ERGIC1: variants seen among roughly 807,000 people sequenced by gnomAD.
ERGIC1 encodes endoplasmic reticulum-golgi intermediate compartment 1, also known as endoplasmic reticulum-Golgi intermediate compartment protein 1.
ERGIC1 carries 19 observed loss-of-function variants against 38.3 expected under a neutral mutation model. That is an observed-to-expected ratio of 0.50 (90% CI 0.35 to 0.73). The LOEUF (loss-of-function observed/expected upper bound fraction) is 0.73, where lower values mean the gene tolerates loss of function less well. Ranked by LOEUF, ERGIC1 falls within the 30% of genes least tolerant of loss-of-function variation. ERGIC1 has a pLI of 0.01. For missense variants in ERGIC1, 294 were observed against 389.2 expected (o/e 0.76, Z 2.06); for synonymous variants, 124 against 157.6 (o/e 0.79, Z 1.60).
chr5:172,869,362 A>G (rs1473789242), intron 1 of ERGIC1, among the ~76,000 whole-genome samples: 1 of 152,228 alleles, frequency 6.6e-6, no homozygotes, highest in Non-Finnish European at 1.5e-5. Context: ...CTCAGGAGCC[A>G]AGTAAAACTG....
chr5:172,875,993 C>G (rs1762133040), intron 1 of ERGIC1, among the ~76,000 whole-genome samples: 1 of 152,202 alleles, frequency 6.6e-6, no homozygotes, highest in Non-Finnish European at 1.5e-5. Context: ...AGATCTGGAG[C>G]CTTGATTAGG....
chr5:172,842,594 C>T (rs539569882), intron 1 of ERGIC1, among the ~76,000 whole-genome samples: 9 of 152,300 alleles, frequency 5.9e-5, no homozygotes, highest in African/African-American at 2.2e-4. Flanking sequence ...AAATCTTCCT[C>T]CTGTTTTCCA....
At chr5:172,870,175 C>G (rs966187958) in intron 1 of ERGIC1, among the ~76,000 whole-genome samples, 1 of 152,254 alleles carries the variant, frequency 6.6e-6, no homozygotes, top group Non-Finnish European at 1.5e-5. Context: ...AAATCTGACC[C>G]ACAGAAGTGT....
intron 1 of ERGIC1, among the ~76,000 whole-genome samples, chr5:172,886,393 C>T: frequency 6.6e-6 from 1 of 152,114 alleles, no homozygotes; most frequent in East Asian, 1.9e-4. Context: ...TAGGAAGCTT[C>T]ACCGAGGACC....
At chr5:172,911,644 ACT>A (rs925836432) in intron 4 of ERGIC1, among the ~76,000 whole-genome samples, 1 of 151,944 alleles carries the variant, frequency 6.6e-6, no homozygotes, top group Admixed American at 6.6e-5. Flanking sequence ...ATCACCCATA[ACT>A]CTGCCACCCG....
At chr5:172,934,829 T>G in intron 8 of ERGIC1, 3 of 307,282 alleles carry the variant, frequency 9.8e-6, no homozygotes, top group East Asian at 7.4e-5. Flanking sequence ...CAGCAAACCA[T>G]TGTTGAATAA....
intron 4 of ERGIC1, among the ~76,000 whole-genome samples, chr5:172,914,234 C>CA (rs35584191): frequency 0.049 from 4,966 of 101,774 alleles, 290 homozygotes; most frequent in East Asian, 0.22. Context: ...GACTCTGTCT[C>CA]AAAAAAAAAA....
chr5:172,903,392 G>T (rs966277105), intron 3 of ERGIC1, among the ~76,000 whole-genome samples: 1 of 152,090 alleles, frequency 6.6e-6, no homozygotes, highest in African/African-American at 2.4e-5. Flanking sequence ...TCCACTGAGG[G>T]CCACCGGCCC....
chr5:172,907,204 A>G (rs940802369), intron 3 of ERGIC1, among the ~76,000 whole-genome samples: 1 of 152,166 alleles, frequency 6.6e-6, no homozygotes, highest in African/African-American at 2.4e-5. Flanking sequence ...TCTTCCTTGC[A>G]GCAGCCAGAG....
Position 172,909,861 on chromosome 5 carries a change from A to T in ERGIC1, c.250+100A>T, listed in dbSNP as rs190528719. ...GATCTCCAGGACAAGCCAAGCCAAC[A>T]TATGGTTCTCCCCACTCTTTTTTGG... On this transcript the variant is annotated intron_variant, in intron 4 of 9. Transcript: ENST00000393784. The T allele has an allele frequency of 6.7e-6, 7 of 1,039,044 alleles. No individual in the cohort carries two copies. The East Asian group carries it at 1.7e-4, about 25-fold the overall frequency. The allele number at this position is 1,039,044 out of a possible 1,614,324, so 64.4% of individuals were successfully genotyped here.
intron 1 of ERGIC1, among the ~76,000 whole-genome samples, chr5:172,870,244 T>A (rs112419913): frequency 1.4e-3 from 217 of 152,278 alleles, no homozygotes; most frequent in African/African-American, 5.0e-3. Context: ...TTTTAATTGG[T>A]GATTTTACCT....
At chr5:172,886,274 A>G (rs913025969) in intron 1 of ERGIC1, among the ~76,000 whole-genome samples, 2 of 151,800 alleles carry the variant, frequency 1.3e-5, no homozygotes, top group Non-Finnish European at 2.9e-5. Context: ...AGCTTCCCAG[A>G]TTCGGTCCTA....
intron 3 of ERGIC1, chr5:172,898,058 G>T (rs1325330085): frequency 2.5e-6 from 1 of 399,472 alleles, no homozygotes; most frequent in African/African-American, 2.1e-5. Context: ...CTGGCTTGAG[G>T]CTTCAAAGCC....
At chr5:172,903,968 T>TACACACACACACAC (rs70984919) in intron 3 of ERGIC1, among the ~76,000 whole-genome samples, 4,638 of 150,316 alleles carry the variant, frequency 0.031, 80 homozygotes, top group African/African-American at 0.046. Flanking sequence ...GTCTCACACA[T>TACACACACACACAC]ACACACACAC....
At chr5:172,905,483 T>TA (rs754827469) in intron 3 of ERGIC1, 10 of 463,438 alleles carry the variant, frequency 2.2e-5, no homozygotes, top group Admixed American at 1.9e-4. Context: ...CGGTGAGTGT[T>TA]ACAGCTCTAT....
rs1157210163 is a variant in ERGIC1 at position 172,914,823 on chromosome 5, G to A, written c.360G>A (p.Gln120=). The change falls in exon 5 of 10, where the codon CAG becomes CAA. Residue 120 remains glutamine (Q), a synonymous_variant. Coordinates refer to ENST00000393784, the MANE Select transcript of ERGIC1 (RefSeq NM_001031711.3). ...NNGAGCRFEG[Q]FSINKVPGNF... The stretch of plus-strand genomic sequence containing the variant: ...GGGCAGGCTGCCGCTTCGAGGGGCA[G>A]TTCAGCATCAACAAGGTATGGAAGC... 2 of 1,614,188 alleles carry A rather than the reference G, an allele frequency of 1.2e-6. No individual in the cohort carries two copies. The highest frequency in any genetic ancestry group is 1.7e-5 in the Admixed American group (1 of 60,020).
intron 6 of ERGIC1, among the ~76,000 whole-genome samples, chr5:172,924,557 G>T (rs1449582424): frequency 6.6e-6 from 1 of 152,094 alleles, no homozygotes. Context: ...GGTCTGGTTG[G>T]TGACTCAGAG....
At chr5:172,843,285 G>T (rs79532095) in intron 1 of ERGIC1, among the ~76,000 whole-genome samples, 1 of 152,140 alleles carries the variant, frequency 6.6e-6, no homozygotes, top group African/African-American at 2.4e-5. Context: ...TTTTCACTCC[G>T]TTAATGTTTT....
At chr5:172,843,379 G>A (rs1217028120) in intron 1 of ERGIC1, among the ~76,000 whole-genome samples, 1 of 152,084 alleles carries the variant, frequency 6.6e-6, no homozygotes, top group Non-Finnish European at 1.5e-5. Flanking sequence ...GTGCAGAGCT[G>A]GGGTCCCAGA....
Sources: gnomAD v4.1 joint callset for allele counts (sites outside exome capture counted in the v4.1 genomes callset) on GRCh38, gnomAD v4.1.1 for gene constraint, MANE v1.5 for transcripts, NCBI Gene and HGNC (gene_info 2026-07-23, HGNC 2026-07-21) for gene names.